Variants in PLEKHB2 observed in about 807,000 individuals in gnomAD.
PLEKHB2 encodes the protein pleckstrin homology domain-containing family B member 2.
Under a neutral mutation model 36.5 loss-of-function variants are expected in PLEKHB2, and 31 were observed. The ratio of observed to expected loss-of-function variants is 0.85; its 90% confidence interval spans 0.64 to 1.15. The LOEUF (loss-of-function observed/expected upper bound fraction) is 1.15, where lower values mean the gene tolerates loss of function less well. Among genes scored for constraint, PLEKHB2 ranks in the 50% most tolerant of loss-of-function variants. The probability of loss-of-function intolerance (pLI) is 0.00; values close to 1 mark genes in which losing one functional copy is unlikely to be tolerated. For missense variants in PLEKHB2, 262 were observed against 295.3 expected (o/e 0.89, Z 0.83); for synonymous variants, 119 against 112.0 (o/e 1.06, Z -0.39).
intron 1 of PLEKHB2, chr2:131,118,867 CAAAAAAAAAAAAAAAAAAA>C (rs138450500): frequency 6.6e-5 from 3 of 45,208 alleles, no homozygotes; most frequent in Admixed American, 8.9e-4. Flanking sequence ...GATTCCGTCT[CAAAAAAAAAAAAAAAAAAA>C]AAAAAAAAAA....
rs1697591051 is a variant in PLEKHB2, at chr2:131,130,751, G to A, written c.324G>A (p.Arg108=). ...GGAAATTTACACTCCAAGATTCTAG[G>A]ACAAACACAGTAAGTTGCTAATGGC... The part of the protein sequence containing the change: ...LAWKFTLQDS[R]TNTAYVGSAV... The change falls in exon 5 of 8, where the codon AGG becomes AGA. Residue 108 remains arginine, a synonymous_variant. Transcript: ENST00000693505. 6.2e-7 allele frequency: 1 copy of A among 1,610,592 alleles called. No individual in the cohort carries two copies. Among genetic ancestry groups the A allele is most frequent in the Non-Finnish European group, 8.5e-7 (1 of 1,177,348 alleles).
chr2:131,109,931 G>A (rs1021437750), intron 1 of PLEKHB2, among the ~76,000 whole-genome samples: 2 of 151,918 alleles, frequency 1.3e-5, no homozygotes, highest in South Asian at 2.1e-4. Context: ...TGGCTGACAC[G>A]GTGAAACCCT....
chr2:131,128,070 AG>A (rs1697274447), intron 4 of PLEKHB2, among the ~76,000 whole-genome samples: 1 of 152,210 alleles, frequency 6.6e-6, no homozygotes, highest in Non-Finnish European at 1.5e-5. Flanking sequence ...CGGTCTCAGA[AG>A]AAATGTCCTT....
At chr2:131,126,989 T>C (rs932260719) in intron 4 of PLEKHB2, 4 of 518,426 alleles carry the variant, frequency 7.7e-6, no homozygotes, top group African/African-American at 7.7e-5. Context: ...GATCCCATTG[T>C]GGTGAAAATG....
At chr2:131,113,461 G>A (rs751811581) in intron 1 of PLEKHB2, among the ~76,000 whole-genome samples, 4 of 152,156 alleles carry the variant, frequency 2.6e-5, no homozygotes, top group South Asian at 2.1e-4. Flanking sequence ...TTGTTGTGAC[G>A]TGAGAGCAGA....
chr2:131,146,072 C>G (rs1699261667), intron 7 of PLEKHB2, among the ~76,000 whole-genome samples: 1 of 151,814 alleles, frequency 6.6e-6, no homozygotes, highest in African/African-American at 2.4e-5. Flanking sequence ...GTCCCAGTTA[C>G]TCAGGAAACT....
rs556622012 is a variant in PLEKHB2 at position 131,147,588 on chromosome 2, G to C, written c.*815G>C. 1.3e-5 allele frequency: 2 copies of C among 152,210 alleles called. No homozygotes were observed. Among genetic ancestry groups the C allele is most frequent in the Non-Finnish European group, 2.9e-5 (2 of 68,070 alleles). The allele number at this position is 152,210 out of a possible 1,614,324, so 9.4% of individuals were successfully genotyped here. A position where few individuals can be genotyped will look rare whatever the true frequency, so the allele number is the denominator to read the frequency against. On this transcript the variant is annotated 3_prime_UTR_variant, in exon 8 of 8. Transcript: ENST00000693505. ...CCGAGGCGGGCGGATCACGAGGTCA[G>C]GAGATCGAGACCATCCTGGCTAACA...
intron 4 of PLEKHB2, among the ~76,000 whole-genome samples, chr2:131,129,049 G>A (rs896690870): frequency 6.6e-6 from 1 of 152,250 alleles, no homozygotes; most frequent in Non-Finnish European, 1.5e-5. Flanking sequence ...CTTGGGCTGG[G>A]TGTGGTGGCT....
intron 1 of PLEKHB2, among the ~76,000 whole-genome samples, chr2:131,119,296 G>A (rs1281000098): frequency 6.6e-6 from 1 of 152,036 alleles, no homozygotes; most frequent in Non-Finnish European, 1.5e-5. Flanking sequence ...GTTTCAAACA[G>A]TACAGAAAGG....
chr2:131,139,412 T>C (rs1337921065), intron 6 of PLEKHB2, among the ~76,000 whole-genome samples: 1 of 136,678 alleles, frequency 7.3e-6, no homozygotes, highest in Non-Finnish European at 1.6e-5. Context: ...TCTCCTGCTT[T>C]TGTAAGATAA....
At chr2:131,135,312 C>T (rs1346348753) in intron 6 of PLEKHB2, among the ~76,000 whole-genome samples, 1 of 152,166 alleles carries the variant, frequency 6.6e-6, no homozygotes, top group African/African-American at 2.4e-5. Context: ...AGGTGATCCA[C>T]CTGCCTTGGC....
chr2:131,131,164 G>A (rs1464520479), intron 5 of PLEKHB2, among the ~76,000 whole-genome samples: 2 of 152,184 alleles, frequency 1.3e-5, no homozygotes, highest in African/African-American at 2.4e-5. Flanking sequence ...ATCTGGCCAC[G>A]AATGGGCAGG....
chr2:131,139,401 G>C (rs919139220), intron 6 of PLEKHB2, among the ~76,000 whole-genome samples: 1 of 151,820 alleles, frequency 6.6e-6, no homozygotes, highest in African/African-American at 2.4e-5. Flanking sequence ...TGGGAGTCTT[G>C]TCTCCTGCTT....
Position 131,125,877 on chromosome 2 carries a change from C to T in PLEKHB2, c.162C>T (p.Ile54=). The change falls in exon 3 of 8, where the codon ATC becomes ATT. Residue 54 remains isoleucine (I), a synonymous_variant. Coordinates refer to ENST00000693505, the MANE Select transcript of PLEKHB2 (RefSeq NM_001100623.2). ...AGGTCCACATGCCAATGGACTGCATCAACATCCGCACGGGGCAGGAATGTC... is the reference window on the plus strand; with the variant it reads ...AGGTCCACATGCCAATGGACTGCATTAACATCCGCACGGGGCAGGAATGTC... The part of the protein sequence containing the change: ...EDKVHMPMDC[I]NIRTGQECRD... 1 of 1,613,484 alleles carries T rather than the reference C, an allele frequency of 6.2e-7. No homozygotes were observed. Among genetic ancestry groups the T allele is most frequent in the Non-Finnish European group, 8.5e-7 (1 of 1,179,792 alleles).
At chr2:131,123,312 C>A (rs1696718633) in intron 2 of PLEKHB2, among the ~76,000 whole-genome samples, 1 of 152,194 alleles carries the variant, frequency 6.6e-6, no homozygotes, top group South Asian at 2.1e-4. Context: ...AGCAGAGATA[C>A]ACATGTGATG....
In PLEKHB2 at chr2:131,140,287, C is replaced by A; in HGVS notation, c.532+12C>A. On this transcript the variant is annotated intron_variant, in intron 7 of 7. Coordinates refer to ENST00000693505, the MANE Select transcript of PLEKHB2 (RefSeq NM_001100623.2). ...GTACCCATATGCAGGTAACTCACGC[C>A]GGCCTTTCATTCCTCATTTCTCTCC... The A allele has an allele frequency of 7.0e-7, 1 of 1,425,374 alleles. No homozygotes were observed. Among genetic ancestry groups the A allele is most frequent in the Non-Finnish European group, 9.9e-7 (1 of 1,011,604 alleles). The allele number at this position is 1,425,374 out of a possible 1,614,324, so 88.3% of individuals were successfully genotyped here.
At chr2:131,143,254 T>G (rs1486665955) in intron 7 of PLEKHB2, among the ~76,000 whole-genome samples, 1 of 152,236 alleles carries the variant, frequency 6.6e-6, no homozygotes, top group African/African-American at 2.4e-5. Context: ...CCATTGTAAG[T>G]TGAGGAGCAT....
At chr2:131,137,905 G>A (rs867800171) in intron 6 of PLEKHB2, among the ~76,000 whole-genome samples, 1 of 151,848 alleles carries the variant, frequency 6.6e-6, no homozygotes, top group Non-Finnish European at 1.5e-5. Context: ...CTAAATTTGG[G>A]AAATTTTAAA....
intron 2 of PLEKHB2, among the ~76,000 whole-genome samples, chr2:131,125,134 G>C (rs1042724199): frequency 3.3e-5 from 5 of 152,158 alleles, no homozygotes; most frequent in Non-Finnish European, 7.4e-5. Context: ...TGCGTATAGA[G>C]ACTTCACAGT....
Sources: gnomAD v4.1 joint callset for allele counts (sites outside exome capture counted in the v4.1 genomes callset) on GRCh38, gnomAD v4.1.1 for gene constraint, MANE v1.5 for transcripts, NCBI Gene and HGNC (gene_info 2026-07-23, HGNC 2026-07-21) for gene names.